Variants in ABCA8 observed in about 807,000 individuals in gnomAD.
ABCA8 encodes ATP binding cassette subfamily A member 8.
A neutral mutation model predicts 192.3 loss-of-function variants in ABCA8; 177 were observed. The ratio of observed to expected loss-of-function variants is 0.92; its 90% CI spans 0.81 to 1.04. The LOEUF is 1.04. ABCA8 is among the 50% of genes least tolerant of loss of function. ABCA8 has a pLI of 0.00. For missense variants in ABCA8, 1,915 were observed against 1,904.8 expected, an observed-to-expected ratio of 1.01 and a Z score of -0.10; for synonymous variants, 642 against 690.2, an observed-to-expected ratio of 0.93 and a Z score of 1.09.
At position 68,940,856 on chromosome 17, in the gene ABCA8, T is replaced by G. The variant is rs1417808875; in HGVS notation, c.203A>C (p.Asp68Ala). ...SLLTMDLGRV[D>A]TFNESRFSVV... ...AGAAAATCTGGATTCATTAAATGTA[T>G]CTACCCGTCCCAGGTCCATGGTAAG... Residue 68 changes from aspartate to alanine, a missense_variant, in exon 4 of 40, where the codon GAT (aspartate) becomes GCT (alanine). Asp to Ala is a moderately radical substitution (Grantham distance 126). Transcript: ENST00000586539. 1.9e-6 allele frequency: 3 copies of G among 1,613,440 alleles called. No individual in the cohort carries two copies. The highest frequency in any genetic ancestry group is 2.5e-6 in the Non-Finnish European group (3 of 1,179,502).
chr17:68,939,884 T>A (rs2068176659), intron 4 of ABCA8, among the ~76,000 whole-genome samples: 1 of 152,146 alleles, frequency 6.6e-6, no homozygotes, highest in Non-Finnish European at 1.5e-5. Context: ...CTTCAAACTG[T>A]AAGAGTTTAT....
intron 21 of ABCA8, among the ~76,000 whole-genome samples, chr17:68,900,984 A>C (rs909267097): frequency 3.3e-5 from 4 of 122,680 alleles, no homozygotes; most frequent in African/African-American, 1.1e-4. Context: ...CAAAATCATC[A>C]CAAAAAAACA....
intron 13 of ABCA8, 115 bp from the exon 14 acceptor site, chr17:68,919,591 T>C: frequency 1.1e-6 from 1 of 903,290 alleles, no homozygotes; most frequent in South Asian, 1.9e-5. Context: ...ATTCAGGCAT[T>C]AGAAACTTCT....
intron 10 of ABCA8, among the ~76,000 whole-genome samples, chr17:68,925,571 T>C (rs1299179535): frequency 6.6e-6 from 1 of 152,224 alleles, no homozygotes; most frequent in East Asian, 1.9e-4. Flanking sequence ...AGAATCGTAC[T>C]TCACTAATAT....
chr17:68,921,160 T>G (rs1237484644), intron 13 of ABCA8, among the ~76,000 whole-genome samples: 1 of 150,494 alleles, frequency 6.6e-6, no homozygotes. Context: ...TGAGAACACT[T>G]GGACACAGGA....
chr17:68,948,234 T>C (rs938391442), intron 2 of ABCA8, among the ~76,000 whole-genome samples: 1 of 152,230 alleles, frequency 6.6e-6, no homozygotes, highest in Admixed American at 6.5e-5. Flanking sequence ...TATAGTAGAA[T>C]GATTTATATT....
intron 15 of ABCA8, 114 bp from the exon 16 acceptor site, chr17:68,918,299 A>T: frequency 6.7e-7 from 1 of 1,486,144 alleles, no homozygotes; most frequent in Non-Finnish European, 9.1e-7. Context: ...TAGGATTTAG[A>T]TACTCTATTT....
rs75333786 is a variant in ABCA8 at position 68,883,891 on chromosome 17, A to G, written c.3616-9T>C. The G allele has an allele frequency of 3.1e-4, 459 of 1,472,776 alleles. No homozygotes were observed. The African/African-American group carries it at 5.8e-3, about 19-fold the overall frequency. 91.2% of individuals were successfully genotyped at this position (1,472,776 alleles called of 1,614,324 possible). A position where few individuals can be genotyped will look rare whatever the true frequency, so the allele number is the denominator to read the frequency against. ...ATAAAATGAAGGAAAGGCTAGGAATAAAGAGAGATGCACAATTAGAAACAT... is the reference window on the plus strand; with the variant it reads ...ATAAAATGAAGGAAAGGCTAGGAATGAAGAGAGATGCACAATTAGAAACAT... On this transcript the variant is annotated splice_polypyrimidine_tract_variant and intron_variant, in intron 28 of 39. Transcript: ENST00000586539.
intron 19 of ABCA8, among the ~76,000 whole-genome samples, chr17:68,905,065 T>G (rs1022355950): frequency 2.6e-5 from 4 of 152,132 alleles, no homozygotes; most frequent in Non-Finnish European, 4.4e-5. Context: ...AAGCTGGGAG[T>G]GGACTGAATC....
intron 21 of ABCA8, among the ~76,000 whole-genome samples, chr17:68,901,948 A>AC (rs2066925531): frequency 6.6e-6 from 1 of 152,158 alleles, no homozygotes; most frequent in African/African-American, 2.4e-5. Flanking sequence ...TTAGGATTAC[A>AC]CCCCAGAGAA....
At chr17:68,949,929 G>A (rs2068522393) in intron 1 of ABCA8, among the ~76,000 whole-genome samples, 1 of 152,150 alleles carries the variant, frequency 6.6e-6, no homozygotes, top group African/African-American at 2.4e-5. Context: ...ACATAGTATT[G>A]GAAGTTCTGG....
intron 11 of ABCA8, among the ~76,000 whole-genome samples, chr17:68,924,379 A>C (rs1432819590): frequency 3.3e-5 from 5 of 150,686 alleles, no homozygotes; most frequent in Admixed American, 3.3e-4. Context: ...TGAGGTGGGG[A>C]CAAAGAGTGA....
chr17:68,872,002 C>T (rs556059497), intron 37 of ABCA8, among the ~76,000 whole-genome samples: 7 of 152,158 alleles, frequency 4.6e-5, no homozygotes, highest in African/African-American at 1.4e-4. Context: ...GCAGGTCCTT[C>T]GGGAGGTGTT....
At chr17:68,907,206 T>C (rs4147992) in intron 18 of ABCA8, among the ~76,000 whole-genome samples, 2,500 of 152,252 alleles carry the variant, frequency 0.016, 62 homozygotes, top group African/African-American at 0.055. Context: ...ATAAAATGTG[T>C]ATTTGAATGA....
chr17:68,946,897 C>A (rs564619682), intron 2 of ABCA8, among the ~76,000 whole-genome samples: 13 of 151,892 alleles, frequency 8.6e-5, no homozygotes, highest in African/African-American at 2.9e-4. Context: ...GCCAAGATGG[C>A]GCCACTGCAC....
chr17:68,932,465 T>C lies in ABCA8; in HGVS notation c.620A>G (p.Lys207Arg), dbSNP rs369445913. 1.4e-5 allele frequency: 22 copies of C among 1,614,028 alleles called. No individual in the cohort carries two copies. The African/African-American group carries it at 2.4e-4, about 18-fold the overall frequency. The change falls in exon 7 of 40, where the codon AAA (lysine) becomes AGA (arginine). Residue 207 changes from lysine (K) to arginine (R), a missense_variant. Coordinates refer to ENST00000586539, the MANE Select transcript of ABCA8 (RefSeq NM_001288985.2). ...AATGAAGGAATGCATCTTCATATTT[T>C]TTCCAGTAACTGACATCAGCTCCTC... ...VMEELMSVTG[K>R]NMKMHSFIGQ...
At chr17:68,885,480 C>T (rs2066433992) in intron 26 of ABCA8, among the ~76,000 whole-genome samples, 165 bp from the exon 27 acceptor site, 1 of 151,958 alleles carries the variant, frequency 6.6e-6, no homozygotes, top group Non-Finnish European at 1.5e-5. Context: ...TAGCCAAATT[C>T]CTTTGGCCTA....
intron 2 of ABCA8, among the ~76,000 whole-genome samples, chr17:68,947,840 C>G (rs974496341): frequency 1.3e-5 from 2 of 152,234 alleles, no homozygotes; most frequent in Middle Eastern, 3.4e-3. Context: ...AACCCGTCAT[C>G]TAGGTTTTAA....
intron 12 of ABCA8, 46 bp downstream of exon 12, chr17:68,922,194 CTT>C (rs201226205): frequency 1.3e-5 from 7 of 527,428 alleles, no homozygotes; most frequent in East Asian, 1.3e-4. Context: ...TTCTCTCTCT[CTT>C]TTTTTTTTTT....
Sources: gnomAD v4.1 joint callset for allele counts (sites outside exome capture counted in the v4.1 genomes callset) on GRCh38, gnomAD v4.1.1 for gene constraint, MANE v1.5 for transcripts, NCBI Gene and HGNC (gene_info 2026-07-23, HGNC 2026-07-21) for gene names.